MROH7: variants seen among roughly 807,000 people sequenced by gnomAD.
The protein encoded by MROH7 is maestro heat like repeat family member 7, also known as maestro heat-like repeat-containing protein family member 7.
MROH7 carries 113 observed loss-of-function variants against 129.2 expected under a neutral mutation model. That is an observed-to-expected ratio of 0.87 (90% confidence interval 0.75 to 1.02). MROH7 has a LOEUF of 1.02. Ranked by LOEUF, MROH7 falls within the 50% of genes least tolerant of loss-of-function variation. The pLI, the probability that MROH7 is intolerant of heterozygous loss-of-function variation, is 0.00. For synonymous variants in MROH7, 655 were observed against 667.9 expected (o/e 0.98, Z 0.30); for missense variants, 1,601 against 1,671.3 (o/e 0.96, Z 0.73).
rs368840523 is a variant in MROH7, at chr1:54,689,886, C to G, written c.2712-2538C>G. Among the ~76,000 whole-genome samples the G allele has an allele frequency of 3.9e-5, 6 of 152,154 alleles. No homozygotes were observed. The South Asian group carries it at 6.2e-4, about 16-fold the overall frequency. On this transcript the variant is annotated intron_variant, in intron 15 of 23. Transcript: ENST00000421030. ...TTAGCCAGGTGTGTGGTCCCAGCTA[C>G]TTGGAAGAATAAGGCAGGAGGGTCG...
At chr1:54,680,477 C>T (rs545776170) in intron 13 of MROH7, among the ~76,000 whole-genome samples, 2 of 152,192 alleles carry the variant, frequency 1.3e-5, no homozygotes. Context: ...TCTCTTTCCC[C>T]CTTAGGCAAA....
intron 15 of MROH7, among the ~76,000 whole-genome samples, chr1:54,688,840 G>T (rs1455744414): frequency 6.6e-6 from 1 of 152,074 alleles, no homozygotes; most frequent in Non-Finnish European, 1.5e-5. Flanking sequence ...GAACACATAT[G>T]GGAAAAAATT....
chr1:54,696,296 T>C (rs1645320922), intron 17 of MROH7, among the ~76,000 whole-genome samples: 1 of 152,220 alleles, frequency 6.6e-6, no homozygotes, highest in East Asian at 1.9e-4. Context: ...CCTTTCCTTT[T>C]AGTTTTTAAA....
intron 19 of MROH7, 88 bp downstream of exon 19, chr1:54,701,410 A>G (rs1049064237): frequency 2.6e-5 from 32 of 1,220,530 alleles, no homozygotes; most frequent in Non-Finnish European, 3.3e-5. Context: ...CTGTGCCCCC[A>G]TCAGGACCTG....
chr1:54,700,448 G>A lies in MROH7; in HGVS notation c.3092G>A (p.Arg1031His), dbSNP rs774077427. 25 of 1,599,062 alleles carry A rather than the reference G, an allele frequency of 1.6e-5. No individual in the cohort carries two copies. The highest frequency in any genetic ancestry group is 6.7e-5 in the East Asian group (3 of 44,748). Residue 1031 changes from arginine (R) to histidine (H), a missense_variant, in exon 18 of 24, where the codon CGC (arginine) becomes CAC (histidine). Physicochemically the swap from Arg to His is conservative, Grantham distance 29 (BLOSUM62 0). Coordinates refer to ENST00000421030, the MANE Select transcript of MROH7 (RefSeq NM_001039464.4). ...ATTCGAGGCCTGGTCATCCTGGCCC[G>A]CAGGTCTGAGAAGGTGAGTGGGAGG... ...LSIRGLVILA[R>H]RSEKTAKVKA...
At chr1:54,684,757 C>T (rs1320254182) in intron 14 of MROH7, among the ~76,000 whole-genome samples, 2 of 152,238 alleles carry the variant, frequency 1.3e-5, no homozygotes, top group Non-Finnish European at 2.9e-5. Context: ...TCAATCACTT[C>T]CCCTCTCTAG....
intron 21 of MROH7, among the ~76,000 whole-genome samples, chr1:54,704,427 CTAT>C (rs749277776): frequency 4.6e-5 from 6 of 129,682 alleles, no homozygotes; most frequent in Non-Finnish European, 6.3e-5. Context: ...AGCTAGAAAC[CTAT>C]TTTTTTTTTT....
chr1:54,668,791 AC>A, intron 4 of MROH7, 62 bp from the exon 5 acceptor site: 1 of 1,305,430 alleles, frequency 7.7e-7, no homozygotes, highest in Admixed American at 1.7e-5. Flanking sequence ...TGTATGGGCA[AC>A]CCCTGAGGAC....
In MROH7 at chr1:54,668,928, G is replaced by A; in HGVS notation, c.1380G>A (p.Lys460=). 1 of 1,585,748 alleles carries A rather than the reference G, an allele frequency of 6.3e-7. No individual in the cohort carries two copies. Among genetic ancestry groups the A allele is most frequent in the Non-Finnish European group, 8.6e-7 (1 of 1,159,524 alleles). The stretch of plus-strand genomic sequence containing the variant: ...AAGGAGAAAAGAAGACCATGATAAA[G>A]AAGATTATGGTGGGGGAGCCACAGG... ...EAEGEKKTMI[K]KIMRQIQEEP... Residue 460 remains lysine (K), a synonymous_variant, in exon 5 of 24, where the codon AAG becomes AAA. Transcript: ENST00000421030.
chr1:54,685,290 G>A (rs1645130313), intron 14 of MROH7, among the ~76,000 whole-genome samples: 1 of 152,168 alleles, frequency 6.6e-6, no homozygotes, highest in Admixed American at 6.5e-5. Flanking sequence ...CAAAGTGCTG[G>A]GATTACAGGC....
At chr1:54,644,418 C>T (rs577996081) in intron 1 of MROH7, among the ~76,000 whole-genome samples, 1 of 151,922 alleles carries the variant, frequency 6.6e-6, no homozygotes, top group South Asian at 2.1e-4. Flanking sequence ...TTTTGGCTCA[C>T]TGCAACCTCC....
At chr1:54,659,593 A>G (rs1644701638) in intron 3 of MROH7, among the ~76,000 whole-genome samples, 1 of 152,136 alleles carries the variant, frequency 6.6e-6, no homozygotes, top group South Asian at 2.1e-4. Context: ...AGCTGGAATT[A>G]CAGGCGCTAG....
rs1249539991 is a variant in MROH7 at position 54,702,190 on chromosome 1, G to A, written c.3386G>A (p.Ser1129Asn). Residue 1129 changes from serine to asparagine, a missense_variant, in exon 20 of 24, where the codon AGC (serine) becomes AAC (asparagine). Coordinates refer to ENST00000421030, the MANE Select transcript of MROH7 (RefSeq NM_001039464.4). ...CAGGCCATGGAGGAGCAGCTGGTCA[G>A]CACCTTGGTGCCCCTACTGCTGACC... ...RTQAMEEQLVSTLVPLLLTMQ... is the reference protein window; with the variant it reads ...RTQAMEEQLVNTLVPLLLTMQ... 1.8e-5 allele frequency: 28 copies of A among 1,599,512 alleles called. No individual in the cohort carries two copies. Among genetic ancestry groups the A allele is most frequent in the Non-Finnish European group, 2.4e-5 (28 of 1,173,696 alleles).
At position 54,701,331 on chromosome 1, in the gene MROH7, C is replaced by G; in HGVS notation, c.3285+9C>G. 6.3e-7 allele frequency: 1 copy of G among 1,576,852 alleles called. No individual in the cohort carries two copies. Among genetic ancestry groups the G allele is most frequent in the Non-Finnish European group, 8.6e-7 (1 of 1,158,368 alleles). ...TGCCGCACTTCAGCGACGTGAGGAC[C>G]TCACAGAGCGAAGGAGCAGGAGGGA... On this transcript the variant is annotated intron_variant, in intron 19 of 23. Transcript: ENST00000421030.
chr1:54,648,417 G>A (rs1489556932), intron 1 of MROH7, among the ~76,000 whole-genome samples: 1 of 151,336 alleles, frequency 6.6e-6, no homozygotes, highest in Admixed American at 6.6e-5. Context: ...CCAGGCTAGA[G>A]TGCAGTGGCG....
rs1645457406 is a variant in MROH7 at position 54,702,537 on chromosome 1, A to G, written c.3442-86A>G. 8 of 1,304,748 alleles carry G rather than the reference A, an allele frequency of 6.1e-6. No homozygotes were observed. The Admixed American group carries it at 7.9e-5, about 13-fold the overall frequency. The allele number at this position is 1,304,748 out of a possible 1,614,324, so 80.8% of individuals were successfully genotyped here. On this transcript the variant is annotated intron_variant, in intron 20 of 23. Coordinates refer to ENST00000421030, the MANE Select transcript of MROH7 (RefSeq NM_001039464.4). ...GTCAGCTTCACTTGTACAATTTCAAATAGAAACTGAGTTTTCAAAATCCCT... is the reference window on the plus strand; with the variant it reads ...GTCAGCTTCACTTGTACAATTTCAAGTAGAAACTGAGTTTTCAAAATCCCT...
chr1:54,709,696 T>C (rs1645592928), intron 23 of MROH7, among the ~76,000 whole-genome samples: 1 of 152,070 alleles, frequency 6.6e-6, no homozygotes, highest in Admixed American at 6.5e-5. Context: ...CTGACTCACT[T>C]TGTAACCAAG....
intron 1 of MROH7, among the ~76,000 whole-genome samples, chr1:54,650,501 T>C (rs970612417): frequency 3.3e-5 from 5 of 150,384 alleles, no homozygotes; most frequent in African/African-American, 1.2e-4. Flanking sequence ...GCCCTTCTCT[T>C]ATTTCCTCCT....
chr1:54,654,540 G>T (rs972662640), intron 3 of MROH7, among the ~76,000 whole-genome samples: 1 of 152,144 alleles, frequency 6.6e-6, no homozygotes, highest in Admixed American at 6.5e-5. Context: ...AGGCGTGGTG[G>T]CGCATGCCTG....
Sources: allele counts gnomAD v4.1 joint callset (sites outside exome capture counted in the v4.1 genomes callset), GRCh38; gene constraint gnomAD v4.1.1; transcripts MANE v1.5; gene names NCBI Gene and HGNC (gene_info 2026-07-23, HGNC 2026-07-21).